LMX1A: variants seen among roughly 807,000 people sequenced by gnomAD.
LMX1A encodes LIM homeobox transcription factor 1-alpha.
A neutral mutation model predicts 49.1 loss-of-function variants in LMX1A; 15 were observed. The observed-to-expected ratio is 0.31, with a 90% confidence interval of 0.20 to 0.47. The LOEUF is 0.47. Among genes scored for constraint, LMX1A ranks in the 20% least tolerant of loss-of-function variants. The pLI is 1.00. For synonymous variants in LMX1A, 167 were observed against 185.7 expected (o/e 0.90, Z 0.82); for missense variants, 372 against 475.8 (o/e 0.78, Z 2.03).
intron 3 of LMX1A, among the ~76,000 whole-genome samples, chr1:165,296,749 G>A (rs186546831): frequency 2.8e-4 from 42 of 152,350 alleles, no homozygotes; most frequent in African/African-American, 9.4e-4. Flanking sequence ...ATATCTCAGG[G>A]TGAACAAGGC....
chr1:165,264,602 G>A (rs1653556157), intron 3 of LMX1A, among the ~76,000 whole-genome samples: 1 of 152,146 alleles, frequency 6.6e-6, no homozygotes, highest in South Asian at 2.1e-4. Flanking sequence ...AGGGATGTCT[G>A]CATTTTGCTG....
At chr1:165,253,444 G>A (rs1049088735) in intron 3 of LMX1A, among the ~76,000 whole-genome samples, 1 of 152,186 alleles carries the variant, frequency 6.6e-6, no homozygotes, top group Admixed American at 6.5e-5. Context: ...GAATGAAGGG[G>A]AAGCTAAGGA....
At chr1:165,242,602 T>C (rs968463660) in intron 4 of LMX1A, among the ~76,000 whole-genome samples, 4 of 151,412 alleles carry the variant, frequency 2.6e-5, no homozygotes, top group African/African-American at 9.7e-5. Context: ...AGGAAGGCAA[T>C]TTAACATAAA....
At chr1:165,233,514 T>A (rs1294237157) in intron 4 of LMX1A, among the ~76,000 whole-genome samples, 1 of 152,182 alleles carries the variant, frequency 6.6e-6, no homozygotes, top group Non-Finnish European at 1.5e-5. Context: ...GATTCCCAAA[T>A]TCACATCTGA....
intron 4 of LMX1A, among the ~76,000 whole-genome samples, chr1:165,236,237 A>G (rs1447514106): frequency 1.3e-5 from 2 of 152,154 alleles, no homozygotes; most frequent in African/African-American, 2.4e-5. Context: ...GGGAGAGGGA[A>G]GCCTCCGCGT....
intron 4 of LMX1A, among the ~76,000 whole-genome samples, chr1:165,244,812 G>A (rs937769904): frequency 6.6e-6 from 1 of 151,898 alleles, no homozygotes; most frequent in African/African-American, 2.4e-5. Flanking sequence ...GTTTGTAAAT[G>A]TTGGGGAGTC....
intron 8 of LMX1A, among the ~76,000 whole-genome samples, chr1:165,204,848 C>A (rs1267470487): frequency 6.6e-6 from 1 of 152,118 alleles, no homozygotes; most frequent in Non-Finnish European, 1.5e-5. Flanking sequence ...ACAGATGTGA[C>A]CTGTGCCTTC....
intron 3 of LMX1A, among the ~76,000 whole-genome samples, chr1:165,288,442 T>G (rs886453338): frequency 6.6e-6 from 1 of 152,176 alleles, no homozygotes; most frequent in Non-Finnish European, 1.5e-5. Flanking sequence ...GATTTATGTG[T>G]GAGCGAACAG....
chr1:165,337,623 G>A (rs570416956), intron 3 of LMX1A, among the ~76,000 whole-genome samples: 1 of 152,278 alleles, frequency 6.6e-6, no homozygotes. Context: ...CCCTATTGCA[G>A]AGCTGCATTT....
intron 3 of LMX1A, among the ~76,000 whole-genome samples, chr1:165,342,405 G>A (rs1557890596): frequency 6.6e-6 from 1 of 152,304 alleles, no homozygotes; most frequent in East Asian, 1.9e-4. Flanking sequence ...TGCCAAATGT[G>A]CAGACAAGCT....
intron 4 of LMX1A, among the ~76,000 whole-genome samples, chr1:165,222,760 C>G (rs566483962): frequency 1.3e-5 from 2 of 152,346 alleles, no homozygotes; most frequent in South Asian, 4.1e-4. Context: ...GGTTCCCGAC[C>G]AGGCCTTCTG....
chr1:165,274,262 A>G (rs1653898099), intron 3 of LMX1A, among the ~76,000 whole-genome samples: 1 of 152,106 alleles, frequency 6.6e-6, no homozygotes, highest in Non-Finnish European at 1.5e-5. Flanking sequence ...TTGCACTTTA[A>G]TCTTTGTGTT....
At chr1:165,273,222 T>C (rs1653860047) in intron 3 of LMX1A, among the ~76,000 whole-genome samples, 1 of 152,230 alleles carries the variant, frequency 6.6e-6, no homozygotes, top group Non-Finnish European at 1.5e-5. Flanking sequence ...GAATATCTGA[T>C]GCCAGCATAG....
chr1:165,311,685 C>T (rs1446261054), intron 3 of LMX1A, among the ~76,000 whole-genome samples: 2 of 152,166 alleles, frequency 1.3e-5, no homozygotes, highest in Non-Finnish European at 2.9e-5. Flanking sequence ...AAACTGTAGC[C>T]CCAGCTTTGA....
At chr1:165,287,146 C>G (rs1208713328) in intron 3 of LMX1A, among the ~76,000 whole-genome samples, 1 of 152,132 alleles carries the variant, frequency 6.6e-6, no homozygotes, top group African/African-American at 2.4e-5. Flanking sequence ...TGCCTTCTAC[C>G]CCATTGGCTA....
intron 3 of LMX1A, among the ~76,000 whole-genome samples, chr1:165,313,882 C>T (rs751029337): frequency 2.6e-5 from 4 of 152,098 alleles, no homozygotes; most frequent in Non-Finnish European, 5.9e-5. Context: ...CTCACTTATC[C>T]CTGCAGGTAA....
At chr1:165,301,660 A>G (rs1221153136) in intron 3 of LMX1A, among the ~76,000 whole-genome samples, 1 of 152,250 alleles carries the variant, frequency 6.6e-6, no homozygotes, top group African/African-American at 2.4e-5. Context: ...GTCAAAAATG[A>G]CAGCCAGGTT....
intron 4 of LMX1A, among the ~76,000 whole-genome samples, chr1:165,244,829 G>A (rs1652784206): frequency 7.0e-6 from 1 of 142,444 alleles, no homozygotes; most frequent in Non-Finnish European, 1.5e-5. Context: ...AGTCTCTCCT[G>A]GAGACCTTGG....
Position 165,206,179 on chromosome 1 carries a change from G to A in LMX1A, c.818-145C>T, listed in dbSNP as rs372413110. 8 of 668,062 alleles carry A rather than the reference G, an allele frequency of 1.2e-5. No individual in the cohort carries two copies. In the East Asian group the frequency reaches 1.2e-4, roughly 10 times the overall value. The allele number at this position is 668,062 out of a possible 1,614,324, so 41.4% of individuals were successfully genotyped here. A position where few individuals can be genotyped will look rare whatever the true frequency, so the allele number is the denominator to read the frequency against. On this transcript the variant is annotated intron_variant, in intron 7 of 8. Transcript: ENST00000342310. ...CCTTTGTCCTACCAGAGGCCATCAG[G>A]AATCACCTTGGAGGACAGGAACAGG... is the stretch of plus-strand genomic sequence containing the variant.
Sources: allele counts gnomAD v4.1 joint callset (sites outside exome capture counted in the v4.1 genomes callset), GRCh38; gene constraint gnomAD v4.1.1; transcripts MANE v1.5; gene names NCBI Gene and HGNC (gene_info 2026-07-23, HGNC 2026-07-21).